Variants in ZBTB10 observed in about 807,000 individuals in gnomAD.
ZBTB10 encodes zinc finger and BTB domain containing 10.
ZBTB10 carries 32 observed loss-of-function variants against 76.4 expected under a neutral mutation model. The ratio of observed to expected loss-of-function variants is 0.42; its 90% CI spans 0.32 to 0.56. The LOEUF (loss-of-function observed/expected upper bound fraction) is 0.56, where lower values mean the gene tolerates loss of function less well. Among genes scored for constraint, ZBTB10 ranks in the 20% least tolerant of loss-of-function variants. The pLI is 0.14. For missense variants in ZBTB10, 1,057 were observed against 1,098.5 expected, an observed-to-expected ratio of 0.96 and a Z score of 0.53; for synonymous variants, 523 against 432.9, an observed-to-expected ratio of 1.21 and a Z score of -2.58.
At position 80,494,740 on chromosome 8, in the gene ZBTB10, A is replaced by C. The variant is rs771415020; in HGVS notation, c.973-4754A>C. On this transcript the variant is annotated intron_variant, in intron 1 of 5. Transcript: ENST00000455036. ...TGAGACAAGCCTGGGCAACACAGGGAGACTCTTATCTCTACAAAAATTTAA... is the reference window on the plus strand; with the variant it reads ...TGAGACAAGCCTGGGCAACACAGGGCGACTCTTATCTCTACAAAAATTTAA... Among the ~76,000 whole-genome samples, 13 of 152,028 alleles carry C rather than the reference A, an allele frequency of 8.6e-5. 1 individual carries two copies. In the South Asian group the frequency reaches 1.5e-3, roughly 17 times the overall value.
chr8:80,518,644 C>G (rs951761621), intron 4 of ZBTB10, 65 bp downstream of exon 4: 1 of 1,491,432 alleles, frequency 6.7e-7, no homozygotes, highest in Non-Finnish European at 8.9e-7. Context: ...TAAAAGCTTT[C>G]ATGTTCTGCA....
At position 80,524,649 on chromosome 8, in the gene ZBTB10, A is replaced by G. The variant is rs752635528; in HGVS notation, c.*5121A>G. On this transcript the variant is annotated 3_prime_UTR_variant, in exon 6 of 6. Coordinates refer to ENST00000455036, the MANE Select transcript of ZBTB10 (RefSeq NM_001105539.3). ...GTTGATTTTGTTTGGAGAAGGGCAC[A>G]ATAAAGGGGAGCCCACATAGCATTA... The G allele has an allele frequency of 3.9e-5, 6 of 152,092 alleles. No individual in the cohort carries two copies. Among genetic ancestry groups the G allele is most frequent in the Non-Finnish European group, 5.9e-5 (4 of 67,962 alleles). 9.4% of individuals were successfully genotyped at this position (152,092 alleles called of 1,614,324 possible).
chr8:80,486,499 G>A lies in ZBTB10; in HGVS notation c.-312G>A. On this transcript the variant is annotated 5_prime_UTR_variant, in exon 1 of 6. Transcript: ENST00000455036. ...CGAAGGCCTCGCTCGCTGCAGGCTC[G>A]CTCCTCACCTCTCCGCCGCCCGCCC... The A allele has an allele frequency of 2.0e-6, 2 of 985,284 alleles. No individual in the cohort carries two copies. The highest frequency in any genetic ancestry group is 1.7e-5 in the African/African-American group (1 of 57,286). The allele number at this position is 985,284 out of a possible 1,614,324, so 61.0% of individuals were successfully genotyped here. A position where few individuals can be genotyped will look rare whatever the true frequency, so the allele number is the denominator to read the frequency against.
At chr8:80,493,193 A>ACGCGCG (rs1199081931) in intron 1 of ZBTB10, among the ~76,000 whole-genome samples, 1,247 of 124,166 alleles carry the variant, frequency 0.01, 9 homozygotes, top group African/African-American at 0.017. Flanking sequence ...GTGCCTCAAA[A>ACGCGCG]CGCGCGCGCG....
rs1475902734 is a variant in ZBTB10 at position 80,493,205 on chromosome 8, G to GCA, written c.972+5424_972+5425insAC. Among the ~76,000 whole-genome samples, 466 of 98,402 alleles carry GCA rather than the reference G, an allele frequency of 4.7e-3. 1 individual carries two copies. Among genetic ancestry groups the GCA allele is most frequent in the African/African-American group, 0.013 (357 of 28,156 alleles). The allele number at this position is 98,402 out of a possible 152,430, so 64.6% of individuals were successfully genotyped here. A position where few individuals can be genotyped will look rare whatever the true frequency, so the allele number is the denominator to read the frequency against. ...ACTGTGCCTCAAAACGCGCGCGCGC[G>GCA]CGCACACACACACACACACACACAC... On this transcript the variant is annotated intron_variant, in intron 1 of 5. Transcript: ENST00000455036.
At chr8:80,516,326 G>A (rs920598957) in intron 3 of ZBTB10, among the ~76,000 whole-genome samples, 1 of 152,228 alleles carries the variant, frequency 6.6e-6, no homozygotes, top group African/African-American at 2.4e-5. Context: ...CAAGTCAGAA[G>A]TATGTATTGG....
chr8:80,517,086 A>G (rs535684068), intron 3 of ZBTB10, among the ~76,000 whole-genome samples: 5 of 152,192 alleles, frequency 3.3e-5, no homozygotes, highest in Non-Finnish European at 7.4e-5. Context: ...CCAGGGCTCC[A>G]CCGGGTAAAG....
intron 2 of ZBTB10, among the ~76,000 whole-genome samples, chr8:80,510,639 AGT>A (rs58749656): frequency 0.11 from 14,087 of 125,452 alleles, 670 homozygotes; most frequent in Admixed American, 0.16. Flanking sequence ...TTGTGAAACC[AGT>A]GTGTGTGTGT....
chr8:80,506,571 C>G (rs1563463126), intron 2 of ZBTB10, among the ~76,000 whole-genome samples: 1 of 132,924 alleles, frequency 7.5e-6, no homozygotes, highest in Non-Finnish European at 1.6e-5. Context: ...CACCCCCCCC[C>G]CAACCCCCGC....
intron 2 of ZBTB10, among the ~76,000 whole-genome samples, chr8:80,513,209 T>C (rs1421363621): frequency 6.6e-6 from 1 of 152,154 alleles, no homozygotes; most frequent in Non-Finnish European, 1.5e-5. Flanking sequence ...TGGTGTGATT[T>C]CAGCTCACTG....
chr8:80,507,034 G>C (rs1816074599), intron 2 of ZBTB10, among the ~76,000 whole-genome samples: 1 of 152,190 alleles, frequency 6.6e-6, no homozygotes, highest in African/African-American at 2.4e-5. Context: ...CTGAGGCCGG[G>C]TGCAGTGGCT....
intron 1 of ZBTB10, among the ~76,000 whole-genome samples, chr8:80,498,330 A>G (rs2131487796): frequency 6.6e-6 from 1 of 152,024 alleles, no homozygotes; most frequent in South Asian, 2.1e-4. Flanking sequence ...ATCCATACAT[A>G]TGTGTATATA....
chr8:80,494,148 C>T (rs939916955), intron 1 of ZBTB10, among the ~76,000 whole-genome samples: 3 of 152,124 alleles, frequency 2.0e-5, no homozygotes, highest in Non-Finnish European at 4.4e-5. Context: ...TGGGTTGCTG[C>T]AGAGTAATAT....
chr8:80,512,614 AAGT>A (rs1274997731), intron 2 of ZBTB10, among the ~76,000 whole-genome samples: 1 of 152,162 alleles, frequency 6.6e-6, no homozygotes, highest in Admixed American at 6.5e-5. Context: ...TGAGAGGCTG[AAGT>A]AGGAGAATCG....
At position 80,520,384 on chromosome 8, in the gene ZBTB10, T is replaced by C. The variant is rs915524118; in HGVS notation, c.*856T>C. On this transcript the variant is annotated 3_prime_UTR_variant, in exon 6 of 6. Coordinates refer to ENST00000455036, the MANE Select transcript of ZBTB10 (RefSeq NM_001105539.3). ...ATGGTATTTGGTTTTGGGTATCTGTTACTTTGGCACTATTCTTGTTTGCCT... is the reference window on the plus strand; with the variant it reads ...ATGGTATTTGGTTTTGGGTATCTGTCACTTTGGCACTATTCTTGTTTGCCT... The C allele has an allele frequency of 1.3e-5, 2 of 152,556 alleles. No homozygotes were observed. Among genetic ancestry groups the C allele is most frequent in the Admixed American group, 1.3e-4 (2 of 15,258 alleles). The allele number at this position is 152,556 out of a possible 1,614,324, so 9.5% of individuals were successfully genotyped here.
Position 80,499,989 on chromosome 8 carries a change from C to G in ZBTB10, c.1468C>G (p.Leu490Val). Reference protein sequence around the residue: ...NNRKPVNRDGLSSSRDQKIAS... With the variant: ...NNRKPVNRDGVSSSRDQKIAS... The stretch of plus-strand genomic sequence containing the variant: ...TAGAAAACCAGTTAATAGAGATGGT[C>G]TGTCTTCATCACGGGATCAAAAAAT... Residue 490 changes from leucine (L) to valine (V), a missense_variant, in exon 2 of 6, where the codon CTG becomes GTG. Leu to Val is a conservative substitution (Grantham distance 32, BLOSUM62 1). Transcript: ENST00000455036. The G allele has an allele frequency of 6.2e-7, 1 of 1,613,956 alleles. No homozygotes were observed.
Position 80,487,120 on chromosome 8 carries a change from A to C in ZBTB10, c.310A>C (p.Thr104Pro). 1 of 1,513,364 alleles carries C rather than the reference A, an allele frequency of 6.6e-7. No homozygotes were observed. Among genetic ancestry groups the C allele is most frequent in the Non-Finnish European group, 8.8e-7 (1 of 1,135,524 alleles). The allele number at this position is 1,513,364 out of a possible 1,614,324, so 93.7% of individuals were successfully genotyped here. A position where few individuals can be genotyped will look rare whatever the true frequency, so the allele number is the denominator to read the frequency against. ...LLLPQDAGGPTSLGGGAGGPL... is the reference protein window; with the variant it reads ...LLLPQDAGGPPSLGGGAGGPL... ...GCTCCCCCAAGACGCGGGCGGCCCC[A>C]CCTCGCTTGGCGGTGGCGCGGGGGG... Residue 104 changes from threonine (T) to proline (P), a missense_variant, in exon 1 of 6, where the codon ACC (threonine) becomes CCC (proline). This residue lies in a region of ZBTB10 where 556 missense variants were observed against 451.7 expected (regional missense o/e 1.23). Coordinates refer to ENST00000455036, the MANE Select transcript of ZBTB10 (RefSeq NM_001105539.3).
chr8:80,493,197 GCGCGCGCGCGCA>G (rs1815679468), intron 1 of ZBTB10, among the ~76,000 whole-genome samples: 1 of 108,744 alleles, frequency 9.2e-6, no homozygotes, highest in East Asian at 2.5e-4. Flanking sequence ...CTCAAAACGC[GCGCGCGCGCGCA>G]CACACACACA....
rs1816512726 is a variant in ZBTB10, at chr8:80,524,544, G to A, written c.*5016G>A. 1 of 151,922 alleles carries A rather than the reference G, an allele frequency of 6.6e-6. No homozygotes were observed. The highest frequency in any genetic ancestry group is 1.5e-5 in the Non-Finnish European group (1 of 67,912). 9.4% of individuals were successfully genotyped at this position (151,922 alleles called of 1,614,324 possible). On this transcript the variant is annotated 3_prime_UTR_variant, in exon 6 of 6. Coordinates refer to ENST00000455036, the MANE Select transcript of ZBTB10 (RefSeq NM_001105539.3). ...AGAGAAAACATAACTAGCTTTTTAG[G>A]TTATTTCAAAGTTAGTAATAGAGCA...
Sources: gnomAD v4.1 joint callset for allele counts (sites outside exome capture counted in the v4.1 genomes callset) on GRCh38, gnomAD v4.1.1 for gene constraint, gnomAD v4.1.1 regional missense constraint, MANE v1.5 for transcripts, NCBI Gene and HGNC (gene_info 2026-07-23, HGNC 2026-07-21) for gene names.